The following SEPTIN11 variants were observed in gnomAD, a reference collection of about 807,000 sequenced individuals.
SEPTIN11 encodes septin 11.
A neutral mutation model predicts 51.4 loss-of-function variants in SEPTIN11; 25 were observed. The observed-to-expected ratio is 0.49, with a 90% CI of 0.35 to 0.68. The LOEUF (loss-of-function observed/expected upper bound fraction) is 0.68, where lower values mean the gene tolerates loss of function less well. Ranked by LOEUF, SEPTIN11 falls within the 30% of genes least tolerant of loss-of-function variation. The probability of loss-of-function intolerance (pLI) is 0.00; values close to 1 mark genes in which losing one functional copy is unlikely to be tolerated. For synonymous variants in SEPTIN11, 174 were observed against 184.1 expected (o/e 0.95, Z 0.44); for missense variants, 381 against 520.8 (o/e 0.73, Z 2.61).
intron 1 of SEPTIN11, among the ~76,000 whole-genome samples, chr4:76,970,184 C>G (rs1722183450): frequency 6.6e-6 from 1 of 152,206 alleles, no homozygotes; most frequent in Non-Finnish European, 1.5e-5. Flanking sequence ...TCCAGTCTCT[C>G]TATCTAGTCA....
chr4:76,988,282 G>A (rs1723152855), intron 1 of SEPTIN11, among the ~76,000 whole-genome samples: 1 of 152,176 alleles, frequency 6.6e-6, no homozygotes, highest in African/African-American at 2.4e-5. Flanking sequence ...TTATGTATTT[G>A]TGACTATTTG....
intron 1 of SEPTIN11, chr4:76,959,158 C>G (rs893030440): frequency 2.4e-5 from 12 of 498,330 alleles, no homozygotes; most frequent in African/African-American, 1.7e-4. Context: ...TGCTCTTGAT[C>G]GTTTTACCAT....
intron 8 of SEPTIN11, among the ~76,000 whole-genome samples, chr4:77,030,296 A>T (rs1490821246): frequency 6.6e-6 from 1 of 152,172 alleles, no homozygotes; most frequent in Non-Finnish European, 1.5e-5. Flanking sequence ...TGGGACTCTG[A>T]GGGATGCTCT....
rs961763674 is a variant in SEPTIN11 at position 77,038,484 on chromosome 4, A to G, written c.*3972A>G. ...AGCATATCATTTTTTCAAATATGAA[A>G]GTGATCACTTAGCAACATGCTTGGT... On this transcript the variant is annotated 3_prime_UTR_variant, in exon 10 of 10. Transcript: ENST00000264893. 2 of 985,874 alleles carry G rather than the reference A, an allele frequency of 2.0e-6. No homozygotes were observed. Among genetic ancestry groups the G allele is most frequent in the Non-Finnish European group, 2.4e-6 (2 of 830,012 alleles). 61.1% of individuals were successfully genotyped at this position (985,874 alleles called of 1,614,324 possible). A position where few individuals can be genotyped will look rare whatever the true frequency, so the allele number is the denominator to read the frequency against.
chr4:77,017,103 T>G (rs896277207), intron 5 of SEPTIN11, among the ~76,000 whole-genome samples: 3 of 152,136 alleles, frequency 2.0e-5, no homozygotes, highest in African/African-American at 7.2e-5. Context: ...ATTTGGGATG[T>G]CAGTGTGGGA....
rs554065267 is a variant in SEPTIN11, at chr4:77,009,146, G to A, written c.339-2589G>A. Among the ~76,000 whole-genome samples the A allele has an allele frequency of 2.6e-5, 4 of 152,308 alleles. No homozygotes were observed. In the East Asian group the frequency reaches 7.7e-4, roughly 29 times the overall value. On this transcript the variant is annotated intron_variant, in intron 3 of 9. Coordinates refer to ENST00000264893, the MANE Select transcript of SEPTIN11 (RefSeq NM_018243.4). Reference sequence around the variant, plus strand: ...ACATTTCTTTTTATTGGTTAATAATGGTATGGAAGGTAAAGTAGATGGGAT... The same window carrying A: ...ACATTTCTTTTTATTGGTTAATAATAGTATGGAAGGTAAAGTAGATGGGAT...
chr4:77,022,439 T>C (rs536704503), intron 7 of SEPTIN11, among the ~76,000 whole-genome samples: 95 of 152,308 alleles, frequency 6.2e-4, no homozygotes, highest in Admixed American at 1.0e-3. Context: ...AAAATTTTTT[T>C]CCATACTGGG....
intron 8 of SEPTIN11, among the ~76,000 whole-genome samples, chr4:77,030,084 C>T (rs1462975042): frequency 6.6e-6 from 1 of 151,898 alleles, no homozygotes; most frequent in Non-Finnish European, 1.5e-5. Context: ...GGTGAAACCC[C>T]GTCTCTACTA....
intron 8 of SEPTIN11, among the ~76,000 whole-genome samples, chr4:77,029,767 T>TATACACACAC (rs1402215569): frequency 4.5e-4 from 68 of 151,020 alleles, no homozygotes; most frequent in African/African-American, 1.7e-3. Context: ...TATATATATA[T>TATACACACAC]ACACACACAC....
chr4:77,027,875 G>A (rs1726291390), intron 7 of SEPTIN11, among the ~76,000 whole-genome samples: 1 of 152,108 alleles, frequency 6.6e-6, no homozygotes, highest in African/African-American at 2.4e-5. Context: ...AGAATATTGG[G>A]CTCTAACTTC....
intron 4 of SEPTIN11, among the ~76,000 whole-genome samples, chr4:77,012,873 A>G (rs1724976450): frequency 6.6e-6 from 1 of 152,216 alleles, no homozygotes; most frequent in Non-Finnish European, 1.5e-5. Flanking sequence ...AAATCTTCTA[A>G]TGGCCTGGAA....
rs549585986 is a variant in SEPTIN11, at chr4:76,995,614, GA to G, written c.28-804del. Among the ~76,000 whole-genome samples, 243 of 152,078 alleles carry G rather than the reference GA, an allele frequency of 1.6e-3. 5 individuals carry two copies. In the South Asian group the frequency reaches 0.032, roughly 20 times the overall value. On this transcript the variant is annotated intron_variant, in intron 1 of 9. Coordinates refer to ENST00000264893, the MANE Select transcript of SEPTIN11 (RefSeq NM_018243.4). ...ACTGTAGCTGATCTCTGCATCTTGA[GA>G]AAAAAAGGTTTCACAGATTATCTCC...
intron 3 of SEPTIN11, 50 bp from the exon 4 acceptor site, chr4:77,011,685 G>A: frequency 6.5e-7 from 1 of 1,543,918 alleles, no homozygotes; most frequent in Non-Finnish European, 8.9e-7. Context: ...ATGGAGGATT[G>A]TCCTGTGAAA....
At chr4:76,952,070 G>T (rs1721372205) in intron 1 of SEPTIN11, among the ~76,000 whole-genome samples, 1 of 152,212 alleles carries the variant, frequency 6.6e-6, no homozygotes, top group African/African-American at 2.4e-5. Context: ...GAAAATATGT[G>T]ATCACATTTC....
intron 3 of SEPTIN11, among the ~76,000 whole-genome samples, chr4:77,008,125 T>C (rs1010714084): frequency 6.6e-6 from 1 of 152,260 alleles, no homozygotes; most frequent in African/African-American, 2.4e-5. Flanking sequence ...TTTCCTGTTA[T>C]GTTTAAAAGC....
At position 77,016,599 on chromosome 4, in the gene SEPTIN11, CATATATATATATACACAT is replaced by C. The variant is rs1169662898; in HGVS notation, c.687+1614_687+1631del. ...TATATATAGCATATATATACACACACATATATATATATACACATATATATATATATACACATATATATA... is the reference window on the plus strand; with the variant it reads ...TATATATAGCATATATATACACACACATATATATATATACACATATATATA... On this transcript the variant is annotated intron_variant, in intron 5 of 9. Coordinates refer to ENST00000264893, the MANE Select transcript of SEPTIN11 (RefSeq NM_018243.4). Among the ~76,000 whole-genome samples the C allele has an allele frequency of 9.3e-3, 583 of 62,420 alleles. 13 individuals carry two copies. The highest frequency in any genetic ancestry group is 0.02 in the East Asian group (55 of 2,736). 40.9% of individuals were successfully genotyped at this position (62,420 alleles called of 152,430 possible). A position where few individuals can be genotyped will look rare whatever the true frequency, so the allele number is the denominator to read the frequency against.
chr4:77,008,756 C>T (rs1023859347), intron 3 of SEPTIN11, among the ~76,000 whole-genome samples: 2 of 152,128 alleles, frequency 1.3e-5, no homozygotes, highest in Admixed American at 6.5e-5. Context: ...ATCTCCATGC[C>T]TTAAAAGAAA....
At chr4:77,005,906 G>A in intron 3 of SEPTIN11, 110 bp downstream of exon 3, 1 of 932,380 alleles carries the variant, frequency 1.1e-6, no homozygotes, top group Non-Finnish European at 1.6e-6. Context: ...GTGGGGCTTG[G>A]TCCTCTATTG....
Position 77,035,999 on chromosome 4 carries a change from T to C in SEPTIN11, c.*1487T>C. ...GAGATTAAGTAAATAGGATAGAATA[T>C]GCTGCGTCTCCCCTGACACACACTT... is the stretch of plus-strand genomic sequence containing the variant. On this transcript the variant is annotated 3_prime_UTR_variant, in exon 10 of 10. Coordinates refer to ENST00000264893, the MANE Select transcript of SEPTIN11 (RefSeq NM_018243.4). 1.0e-6 allele frequency: 1 copy of C among 985,932 alleles called. No homozygotes were observed. The highest frequency in any genetic ancestry group is 1.2e-6 in the Non-Finnish European group (1 of 829,962). The allele number at this position is 985,932 out of a possible 1,614,324, so 61.1% of individuals were successfully genotyped here.
Sources: allele counts gnomAD v4.1 joint callset (sites outside exome capture counted in the v4.1 genomes callset), GRCh38; gene constraint gnomAD v4.1.1; transcripts MANE v1.5; gene names NCBI Gene and HGNC (gene_info 2026-07-23, HGNC 2026-07-21).